The following BANK1 variants were observed in gnomAD, a reference collection of about 807,000 sequenced individuals.
The protein encoded by BANK1 is B-cell scaffold protein with ankyrin repeats.
BANK1 carries 95 observed loss-of-function variants against 94.5 expected under a neutral mutation model. The ratio of observed to expected loss-of-function variants is 1.00; its 90% CI spans 0.85 to 1.19. The LOEUF (loss-of-function observed/expected upper bound fraction) is 1.19. Among genes scored for constraint, BANK1 ranks in the 50% most tolerant of loss-of-function variants. BANK1 has a pLI of 0.00. For synonymous variants in BANK1, 334 were observed against 308.4 expected (o/e 1.08, Z -0.87); for missense variants, 987 against 932.2 (o/e 1.06, Z -0.77).
At chr4:101,793,672 A>G (rs903334085) in intron 1 of BANK1, among the ~76,000 whole-genome samples, 1 of 152,190 alleles carries the variant, frequency 6.6e-6, no homozygotes, top group African/African-American at 2.4e-5. Flanking sequence ...CCTTGAATAA[A>G]TAATGAAATC....
At chr4:101,863,030 A>G (rs996589438) in intron 4 of BANK1, among the ~76,000 whole-genome samples, 4 of 151,746 alleles carry the variant, frequency 2.6e-5, no homozygotes, top group African/African-American at 2.4e-5. Flanking sequence ...AATAAACTCT[A>G]TTTTTTTCCC....
intron 13 of BANK1, among the ~76,000 whole-genome samples, chr4:102,065,566 TAATG>T (rs955246242): frequency 5.3e-5 from 8 of 152,004 alleles, no homozygotes; most frequent in Non-Finnish European, 1.0e-4. Flanking sequence ...ACTGTAATCT[TAATG>T]AAGAAAAAGA....
intron 7 of BANK1, among the ~76,000 whole-genome samples, chr4:101,960,688 C>T (rs747799475): frequency 2.1e-4 from 32 of 152,240 alleles, no homozygotes; most frequent in Middle Eastern, 6.8e-3. Flanking sequence ...TTCGTTGTTT[C>T]GTCTTGCTTT....
At chr4:101,865,995 T>A (rs998822490) in intron 4 of BANK1, among the ~76,000 whole-genome samples, 1 of 152,184 alleles carries the variant, frequency 6.6e-6, no homozygotes, top group Non-Finnish European at 1.5e-5. Context: ...CAGGAGTATT[T>A]ACCTTACATC....
At chr4:101,811,624 A>G (rs901284081) in intron 1 of BANK1, among the ~76,000 whole-genome samples, 21 of 152,148 alleles carry the variant, frequency 1.4e-4, no homozygotes, top group African/African-American at 5.1e-4. Context: ...CCATTCATTC[A>G]TGATACATTT....
intron 7 of BANK1, among the ~76,000 whole-genome samples, chr4:101,989,054 T>A (rs978714862): frequency 6.6e-6 from 1 of 152,122 alleles, no homozygotes; most frequent in Non-Finnish European, 1.5e-5. Flanking sequence ...CTGGCCACAA[T>A]GGCACCCACC....
In BANK1 at chr4:101,995,574, T is replaced by C. The variant is rs564552889; in HGVS notation, c.1207-25940T>C. 7.6e-4 allele frequency among the ~76,000 whole-genome samples: 116 copies of C among 152,246 alleles called. 1 individual carries two copies. Among genetic ancestry groups the C allele is most frequent in the African/African-American group, 2.6e-3 (110 of 41,524 alleles). On this transcript the variant is annotated intron_variant, in intron 7 of 16. Transcript: ENST00000322953. ...TACAGTCCCACCAACAGTGTAAAAGTGTTCCTATTTCTCCACATCCTCTCC... is the reference window on the plus strand; with the variant it reads ...TACAGTCCCACCAACAGTGTAAAAGCGTTCCTATTTCTCCACATCCTCTCC...
intron 11 of BANK1, among the ~76,000 whole-genome samples, chr4:102,051,517 A>G (rs1249135710): frequency 6.6e-6 from 1 of 152,226 alleles, no homozygotes; most frequent in African/African-American, 2.4e-5. Context: ...ACTGGAAAAT[A>G]AGCTTACTGG....
intron 7 of BANK1, among the ~76,000 whole-genome samples, chr4:101,922,009 C>CGT (rs68027862): frequency 0.34 from 43,900 of 129,238 alleles, 7,439 homozygotes; most frequent in Admixed American, 0.44. Context: ...ACACTGGGCC[C>CGT]GTGTGTGTGT....
At chr4:101,991,731 G>T (rs538870650) in intron 7 of BANK1, among the ~76,000 whole-genome samples, 27 of 152,284 alleles carry the variant, frequency 1.8e-4, no homozygotes, top group Admixed American at 1.5e-3. Context: ...GGGCAGTGGG[G>T]GTGGGGAAGA....
chr4:102,068,735 G>A (rs1728669400), intron 13 of BANK1, among the ~76,000 whole-genome samples: 1 of 151,914 alleles, frequency 6.6e-6, no homozygotes, highest in Non-Finnish European at 1.5e-5. Flanking sequence ...GGCTGAGGCT[G>A]GAGAATTGCT....
At chr4:102,060,620 A>T (rs1319393068) in intron 12 of BANK1, among the ~76,000 whole-genome samples, 1 of 152,190 alleles carries the variant, frequency 6.6e-6, no homozygotes, top group Non-Finnish European at 1.5e-5. Flanking sequence ...ATACCTAATC[A>T]GCTTATAATA....
chr4:101,849,501 A>C (rs894597270), intron 2 of BANK1, among the ~76,000 whole-genome samples: 1 of 152,148 alleles, frequency 6.6e-6, no homozygotes, highest in Non-Finnish European at 1.5e-5. Flanking sequence ...ATGGAGATAC[A>C]CACGCACACA....
At chr4:101,847,198 A>AGTGTGTGT (rs10542109) in intron 2 of BANK1, among the ~76,000 whole-genome samples, 4 of 147,716 alleles carry the variant, frequency 2.7e-5, no homozygotes, top group Admixed American at 6.8e-5. Context: ...GGGTTGGCAG[A>AGTGTGTGT]GTGTGTGTGT....
At chr4:101,877,084 G>A (rs908298305) in intron 5 of BANK1, among the ~76,000 whole-genome samples, 2 of 152,064 alleles carry the variant, frequency 1.3e-5, no homozygotes, top group Non-Finnish European at 2.9e-5. Context: ...AAATCTAGGG[G>A]TTAGTGGCCT....
intron 13 of BANK1, among the ~76,000 whole-genome samples, chr4:102,068,077 A>G (rs1246167257): frequency 6.6e-6 from 1 of 152,162 alleles, no homozygotes; most frequent in Non-Finnish European, 1.5e-5. Context: ...CAACATTCAA[A>G]ATAACATGAG....
At chr4:102,025,598 C>T in intron 9 of BANK1, 89 bp downstream of exon 9, 1 of 1,215,252 alleles carries the variant, frequency 8.2e-7, no homozygotes, top group Non-Finnish European at 1.1e-6. Flanking sequence ...CAAATCTATA[C>T]AGAGCAGATC....
chr4:102,000,557 A>G (rs1726028318), intron 7 of BANK1, among the ~76,000 whole-genome samples: 1 of 152,144 alleles, frequency 6.6e-6, no homozygotes, highest in African/African-American at 2.4e-5. Context: ...TTCATTTAAC[A>G]AATATTACTT....
At chr4:101,824,760 T>G (rs1364251603) in intron 1 of BANK1, among the ~76,000 whole-genome samples, 2 of 152,062 alleles carry the variant, frequency 1.3e-5, no homozygotes, top group Admixed American at 1.3e-4. Context: ...TTATGCAATC[T>G]TTTTCCATTA....
Sources: allele counts gnomAD v4.1 joint callset (sites outside exome capture counted in the v4.1 genomes callset), GRCh38; gene constraint gnomAD v4.1.1; transcripts MANE v1.5; gene names NCBI Gene and HGNC (gene_info 2026-07-23, HGNC 2026-07-21).